Variants in LIPT2 observed in about 807,000 individuals in gnomAD.
LIPT2 encodes the protein octanoyl-[acyl-carrier-protein]:protein N-octanoyltransferase LIPT2, mitochondrial.
LIPT2 carries 16 observed loss-of-function variants against 16.2 expected under a neutral mutation model. The ratio of observed to expected loss-of-function variants is 0.99; its 90% CI spans 0.67 to 1.50. The LOEUF (loss-of-function observed/expected upper bound fraction) is 1.50, where lower values mean the gene tolerates loss of function less well. Ranked by LOEUF, LIPT2 falls within the 40% of genes most tolerant of loss-of-function variation. The pLI is 0.00. For synonymous variants in LIPT2, 199 were observed against 169.3 expected (o/e 1.18, Z -1.36); for missense variants, 424 against 347.7 (o/e 1.22, Z -1.75).
In LIPT2 at chr11:74,493,716, T is replaced by A. The variant is rs1864416399; in HGVS notation, c.-13A>T. The A allele has an allele frequency of 2.9e-5, 39 of 1,353,252 alleles. No individual in the cohort carries two copies. The highest frequency in any genetic ancestry group is 3.5e-5 in the Non-Finnish European group (37 of 1,059,682). 83.8% of individuals were successfully genotyped at this position (1,353,252 alleles called of 1,614,324 possible). ...CGGGTTGCCGCATCGTGCCCACCGT[T>A]GCGTCCGCGGGGCCCCGCCCTCTCC... On this transcript the variant is annotated 5_prime_UTR_variant, in exon 1 of 2. Coordinates refer to ENST00000310109, the MANE Select transcript of LIPT2 (RefSeq NM_001144869.3).
At position 74,492,110 on chromosome 11, in the gene LIPT2, G is replaced by C; in HGVS notation, c.*25C>G. The C allele has an allele frequency of 6.6e-7, 1 of 1,521,730 alleles. No homozygotes were observed. The highest frequency in any genetic ancestry group is 1.2e-5 in the South Asian group (1 of 83,514). 94.3% of individuals were successfully genotyped at this position (1,521,730 alleles called of 1,614,324 possible). A position where few individuals can be genotyped will look rare whatever the true frequency, so the allele number is the denominator to read the frequency against. Reference sequence around the variant, plus strand: ...AGACTTCATGCTTCCCAAGGCAGGAGCATCCTGGCTGTTATGAGTACTCTT... The same window carrying C: ...AGACTTCATGCTTCCCAAGGCAGGACCATCCTGGCTGTTATGAGTACTCTT... On this transcript the variant is annotated 3_prime_UTR_variant, in exon 2 of 2. Transcript: ENST00000310109.
rs1347417636 is a variant in LIPT2 at position 74,491,964 on chromosome 11, T to C, written c.*171A>G. ...GTATCTCTGAGGTAGGTGGGGAAGATATAAATAAAACAGGATACATATGAA... is the reference window on the plus strand; with the variant it reads ...GTATCTCTGAGGTAGGTGGGGAAGACATAAATAAAACAGGATACATATGAA... On this transcript the variant is annotated 3_prime_UTR_variant, in exon 2 of 2. Coordinates refer to ENST00000310109, the MANE Select transcript of LIPT2 (RefSeq NM_001144869.3). 8.4e-6 allele frequency: 5 copies of C among 598,338 alleles called. No homozygotes were observed. The East Asian group carries it at 1.4e-4, about 17-fold the overall frequency. 37.1% of individuals were successfully genotyped at this position (598,338 alleles called of 1,614,324 possible). A position where few individuals can be genotyped will look rare whatever the true frequency, so the allele number is the denominator to read the frequency against.
In LIPT2 at chr11:74,493,333, A is replaced by T. The variant is rs756664875; in HGVS notation, c.371T>A (p.Val124Glu). ...CAGGCCCTGGAGCTCGCACAGGCGC[A>T]CGGCGCACGCCTCCAGCGACGCTAC... ...MHVASLEACA[V>E]RLCELQGLQD... Residue 124 changes from valine (V) to glutamate (E), a missense_variant, in exon 1 of 2, where the codon GTG becomes GAG. Val to Glu is a moderately radical substitution (Grantham distance 121). Transcript: ENST00000310109. 1 of 1,485,100 alleles carries T rather than the reference A, an allele frequency of 6.7e-7. No homozygotes were observed. The highest frequency in any genetic ancestry group is 1.3e-5 in the South Asian group (1 of 78,576). 92.0% of individuals were successfully genotyped at this position (1,485,100 alleles called of 1,614,324 possible).
chr11:74,491,884 G>C lies in LIPT2; in HGVS notation c.*251C>G. On this transcript the variant is annotated 3_prime_UTR_variant, in exon 2 of 2. Transcript: ENST00000310109. ...TTTCTCTGAGACACTGCTGTCAATA[G>C]CAGTGCTAATGTTTTATATAGCATG... 2.1e-6 allele frequency: 1 copy of C among 479,218 alleles called. No homozygotes were observed. 29.7% of individuals were successfully genotyped at this position (479,218 alleles called of 1,614,324 possible).
Position 74,492,084 on chromosome 11 carries a change from C to A in LIPT2, c.*51G>T, listed in dbSNP as rs1864348138. 2 of 1,446,762 alleles carry A rather than the reference C, an allele frequency of 1.4e-6. No homozygotes were observed. The highest frequency in any genetic ancestry group is 2.5e-5 in the South Asian group (2 of 81,496). The allele number at this position is 1,446,762 out of a possible 1,614,324, so 89.6% of individuals were successfully genotyped here. ...CTGGGTTTCAGTAGGTGACTCAAGT[C>A]AGACTTCATGCTTCCCAAGGCAGGA... On this transcript the variant is annotated 3_prime_UTR_variant, in exon 2 of 2. Coordinates refer to ENST00000310109, the MANE Select transcript of LIPT2 (RefSeq NM_001144869.3).
Position 74,493,217 on chromosome 11 carries a change from GC to G in LIPT2, c.466+20del. ...GCTCCGACCTCGGCTCTCAGGTACCGCCCTGCTCCGCGGCGCTCACCGATCG... is the reference window on the plus strand; with the variant it reads ...GCTCCGACCTCGGCTCTCAGGTACCGCCTGCTCCGCGGCGCTCACCGATCG... On this transcript the variant is annotated intron_variant, in intron 1 of 1. Coordinates refer to ENST00000310109, the MANE Select transcript of LIPT2 (RefSeq NM_001144869.3). The G allele has an allele frequency of 7.5e-7, 1 of 1,337,376 alleles. No individual in the cohort carries two copies. The highest frequency in any genetic ancestry group is 9.6e-7 in the Non-Finnish European group (1 of 1,045,000). The allele number at this position is 1,337,376 out of a possible 1,614,324, so 82.8% of individuals were successfully genotyped here.
chr11:74,493,159 C>T, intron 1 of LIPT2, 79 bp downstream of exon 1: 1 of 1,108,612 alleles, frequency 9.0e-7, no homozygotes, highest in Admixed American at 4.1e-5. Context: ...CTCCGTTGGT[C>T]CAGCCCCGTC....
chr11:74,492,519 CAA>C (rs1273038242), intron 1 of LIPT2, among the ~76,000 whole-genome samples, 155 bp from the exon 2 acceptor site: 3 of 138,692 alleles, frequency 2.2e-5, no homozygotes, highest in African/African-American at 7.8e-5. Flanking sequence ...GAAAAGGAAA[CAA>C]ATGAAAGGAA....
intron 1 of LIPT2, 140 bp downstream of exon 1, chr11:74,493,098 G>A: frequency 2.0e-6 from 1 of 508,392 alleles, no homozygotes; most frequent in Non-Finnish European, 3.2e-6. Flanking sequence ...AAACGCAGCG[G>A]GTAGCTGTGA....
chr11:74,493,719 G>C lies in LIPT2; in HGVS notation c.-16C>G. 1 of 1,351,356 alleles carries C rather than the reference G, an allele frequency of 7.4e-7. No homozygotes were observed. The highest frequency in any genetic ancestry group is 1.5e-5 in the African/African-American group (1 of 65,254). 83.7% of individuals were successfully genotyped at this position (1,351,356 alleles called of 1,614,324 possible). A position where few individuals can be genotyped will look rare whatever the true frequency, so the allele number is the denominator to read the frequency against. On this transcript the variant is annotated 5_prime_UTR_variant, in exon 1 of 2. Coordinates refer to ENST00000310109, the MANE Select transcript of LIPT2 (RefSeq NM_001144869.3). ...GTTGCCGCATCGTGCCCACCGTTGC[G>C]TCCGCGGGGCCCCGCCCTCTCCGTG...
Position 74,493,439 on chromosome 11 carries a change from C to T in LIPT2, c.265G>A (p.Ala89Thr). ...AGCTGGCCCGGGCCGTGGAAGGTGG[C>T]CAGGCCACCGCGGCCTGTGACGCGC... Reference protein sequence around the residue: ...EVRVTGRGGLATFHGPGQLLC... With the variant: ...EVRVTGRGGLTTFHGPGQLLC... Residue 89 changes from alanine to threonine, a missense_variant, in exon 1 of 2, where the codon GCC (alanine) becomes ACC (threonine). Coordinates refer to ENST00000310109, the MANE Select transcript of LIPT2 (RefSeq NM_001144869.3). 6.7e-7 allele frequency: 1 copy of T among 1,500,668 alleles called. No individual in the cohort carries two copies. The allele number at this position is 1,500,668 out of a possible 1,614,324, so 93.0% of individuals were successfully genotyped here. A position where few individuals can be genotyped will look rare whatever the true frequency, so the allele number is the denominator to read the frequency against.
rs769887145 is a variant in LIPT2, at chr11:74,492,357, G to A, written c.474C>T (p.Arg158=). The A allele has an allele frequency of 6.4e-7, 1 of 1,550,932 alleles. No individual in the cohort carries two copies. The highest frequency in any genetic ancestry group is 2.4e-5 in the East Asian group (1 of 40,912). The part of the protein sequence containing the change: ...DDRKICAIGV[R]CGRHITSHGL... The stretch of plus-strand genomic sequence containing the variant: ...CGTGGGATGTGATGTGCCTTCCACA[G>A]CGGACTCCTGCAAGGCAAGCCAAAG... The change falls in exon 2 of 2, where the codon CGC becomes CGT. Residue 158 remains arginine, a synonymous_variant. Coordinates refer to ENST00000310109, the MANE Select transcript of LIPT2 (RefSeq NM_001144869.3).
upstream of LIPT2, chr11:74,493,724 CG>C (rs555060919): frequency 4.0e-3 from 5,436 of 1,344,536 alleles, 39 homozygotes; most frequent in Middle Eastern, 0.024. Context: ...GTTGCGTCCG[CG>C]GGGCCCCGCC....
rs575433182 is a variant in LIPT2, at chr11:74,491,052, T to C, written c.*1083A>G. 1.6e-4 allele frequency among the ~76,000 whole-genome samples: 24 copies of C among 152,366 alleles called. No individual in the cohort carries two copies. In the South Asian group the frequency reaches 5.0e-3, roughly 32 times the overall value. ...ACTACAGAAATGCCTGTGTGACTTCTGAGGCTGGGTCATAAAAAACATTGT... is the reference window on the plus strand; with the variant it reads ...ACTACAGAAATGCCTGTGTGACTTCCGAGGCTGGGTCATAAAAAACATTGT... On this transcript the variant is annotated 3_prime_UTR_variant, in exon 2 of 2. Transcript: ENST00000310109.
At position 74,491,845 on chromosome 11, in the gene LIPT2, C is replaced by G. The variant is rs192559730; in HGVS notation, c.*290G>C. 8.4e-5 allele frequency: 31 copies of G among 370,010 alleles called. No homozygotes were observed. Among genetic ancestry groups the G allele is most frequent in the Non-Finnish European group, 1.5e-4 (29 of 196,116 alleles). 22.9% of individuals were successfully genotyped at this position (370,010 alleles called of 1,614,324 possible). On this transcript the variant is annotated 3_prime_UTR_variant, in exon 2 of 2. Coordinates refer to ENST00000310109, the MANE Select transcript of LIPT2 (RefSeq NM_001144869.3). Reference sequence around the variant, plus strand: ...ACATCAACAATCGAGAAATAACAATCTATGACATCTGAATTTCTCTGAGAC... The same window carrying G: ...ACATCAACAATCGAGAAATAACAATGTATGACATCTGAATTTCTCTGAGAC...
rs1864326154 is a variant in LIPT2, at chr11:74,491,080, C to T, written c.*1055G>A. ...GGCTGGGTCATAAAAAACATTGTGGCTTCCAGCTTGTCTCTCTTTGGCATG... is the reference window on the plus strand; with the variant it reads ...GGCTGGGTCATAAAAAACATTGTGGTTTCCAGCTTGTCTCTCTTTGGCATG... On this transcript the variant is annotated 3_prime_UTR_variant, in exon 2 of 2. Coordinates refer to ENST00000310109, the MANE Select transcript of LIPT2 (RefSeq NM_001144869.3). 6.6e-6 allele frequency among the ~76,000 whole-genome samples: 1 copy of T among 152,200 alleles called. No homozygotes were observed. The highest frequency in any genetic ancestry group is 1.5e-5 in the Non-Finnish European group (1 of 68,044).
At position 74,493,483 on chromosome 11, in the gene LIPT2, C is replaced by A. The variant is rs772885983; in HGVS notation, c.221G>T (p.Arg74Leu). 2.1e-5 allele frequency: 30 copies of A among 1,457,342 alleles called. No individual in the cohort carries two copies. The highest frequency in any genetic ancestry group is 2.7e-5 in the Non-Finnish European group (30 of 1,111,142). The allele number at this position is 1,457,342 out of a possible 1,614,324, so 90.3% of individuals were successfully genotyped here. Residue 74 changes from arginine (R) to leucine (L), a missense_variant, in exon 1 of 2, where the codon CGG (arginine) becomes CTG (leucine). Coordinates refer to ENST00000310109, the MANE Select transcript of LIPT2 (RefSeq NM_001144869.3). The stretch of plus-strand genomic sequence containing the variant: ...GACGCGCACCTCGGCGCCCAAGGCC[C>A]GTAGCCGCGCAGTTTCCTCGGGCGT... ...GLTPEETARL[R>L]ALGAEVRVTG...
chr11:74,492,399 C>T (rs773405411), intron 1 of LIPT2, 35 bp from the exon 2 acceptor site: 23 of 1,356,110 alleles, frequency 1.7e-5, no homozygotes, highest in Non-Finnish European at 2.4e-5. Context: ...AGAGTAGATA[C>T]CCTCCACTCT....
In LIPT2 at chr11:74,492,091, C is replaced by G. The variant is rs773782969; in HGVS notation, c.*44G>C. The G allele has an allele frequency of 1.9e-5, 28 of 1,479,882 alleles. 1 individual carries two copies. The South Asian group carries it at 3.4e-4, about 18-fold the overall frequency. 91.7% of individuals were successfully genotyped at this position (1,479,882 alleles called of 1,614,324 possible). ...TCAGTAGGTGACTCAAGTCAGACTT[C>G]ATGCTTCCCAAGGCAGGAGCATCCT... On this transcript the variant is annotated 3_prime_UTR_variant, in exon 2 of 2. Transcript: ENST00000310109.
Sources: allele counts gnomAD v4.1 joint callset (sites outside exome capture counted in the v4.1 genomes callset), GRCh38; gene constraint gnomAD v4.1.1; transcripts MANE v1.5; gene names NCBI Gene and HGNC (gene_info 2026-07-23, HGNC 2026-07-21).